KIF24: variants seen among roughly 807,000 people sequenced by gnomAD.
KIF24 encodes kinesin family member 24.
KIF24 carries 81 observed loss-of-function variants against 118.9 expected under a neutral mutation model. The ratio of observed to expected loss-of-function variants is 0.68; its 90% CI spans 0.57 to 0.82. The LOEUF (loss-of-function observed/expected upper bound fraction) is 0.82. Ranked by LOEUF, KIF24 falls within the 40% of genes least tolerant of loss-of-function variation. The probability of loss-of-function intolerance (pLI) is 0.00; values close to 1 mark genes in which losing one functional copy is unlikely to be tolerated. For missense variants in KIF24, 1,560 were observed against 1,661.6 expected (o/e 0.94, Z 1.06); for synonymous variants, 599 against 610.0 (o/e 0.98, Z 0.27).
chr9:34,329,753 A>G (rs1350364470), upstream of KIF24, among the ~76,000 whole-genome samples: 1 of 152,206 alleles, frequency 6.6e-6, no homozygotes, highest in African/African-American at 2.4e-5. Context: ...TGGGCAGGCC[A>G]GGTCCCATCC....
chr9:34,293,886 G>A (rs897168639), intron 4 of KIF24, among the ~76,000 whole-genome samples: 6 of 152,226 alleles, frequency 3.9e-5, no homozygotes, highest in Admixed American at 1.3e-4. Flanking sequence ...AAAGCCTGAC[G>A]ATAGCAGATA....
intron 2 of KIF24, 89 bp from the exon 3 acceptor site, chr9:34,306,530 C>A (rs954072253): frequency 8.0e-6 from 7 of 872,444 alleles, no homozygotes; most frequent in Non-Finnish European, 1.2e-5. Context: ...TAGCCGGGCG[C>A]GGTGGCTTAC....
At chr9:34,297,501 G>A (rs550248812) in intron 3 of KIF24, among the ~76,000 whole-genome samples, 34 of 152,176 alleles carry the variant, frequency 2.2e-4, no homozygotes, top group Admixed American at 1.8e-3. Context: ...AGTGGCTCAC[G>A]CCTGTAATCC....
At chr9:34,330,540 C>G (rs1210963245), upstream of KIF24, among the ~76,000 whole-genome samples, 1 of 152,248 alleles carries the variant, frequency 6.6e-6, no homozygotes, top group Non-Finnish European at 1.5e-5. Context: ...CCAGACATCT[C>G]TGAGCTATAG....
In KIF24 at chr9:34,256,425, T is replaced by G. The variant is rs781242574; in HGVS notation, c.3182A>C (p.Asp1061Ala). The G allele has an allele frequency of 1.9e-6, 3 of 1,613,924 alleles. No individual in the cohort carries two copies. The highest frequency in any genetic ancestry group is 1.7e-6 in the Non-Finnish European group (2 of 1,179,872). Residue 1061 changes from aspartate (D) to alanine (A), a missense_variant, in exon 11 of 13, where the codon GAC becomes GCC. By Grantham distance (126) the Asp-to-Ala change is moderately radical. Transcript: ENST00000402558. The stretch of plus-strand genomic sequence containing the variant: ...CTCCGAGGGAGGAGACCCTTCGTTG[T>G]CTGGGTTCTCCAGGAGGGACATGGT... Reference protein sequence around the residue: ...PLTMSLLENPDNEGSPPSEQL... With the variant: ...PLTMSLLENPANEGSPPSEQL...
chr9:34,254,215 C>T lies in KIF24; in HGVS notation c.*165G>A. On this transcript the variant is annotated 3_prime_UTR_variant, in exon 13 of 13. Transcript: ENST00000402558. Reference sequence around the variant, plus strand: ...CAGGGGCCTGTCCCTGAGGGAGAAGCTGGGACCTATCTGAAGCCACGTGGG... The same window carrying T: ...CAGGGGCCTGTCCCTGAGGGAGAAGTTGGGACCTATCTGAAGCCACGTGGG... 3.1e-6 allele frequency: 2 copies of T among 636,362 alleles called. No individual in the cohort carries two copies. Among genetic ancestry groups the T allele is most frequent in the Non-Finnish European group, 5.0e-6 (2 of 397,506 alleles). The allele number at this position is 636,362 out of a possible 1,614,324, so 39.4% of individuals were successfully genotyped here.
rs1409551898 is a variant in KIF24, at chr9:34,257,360, A to C, written c.2247T>G (p.Ala749=). ...RGTPARPASE[A]WTNIPPHQKE... Reference sequence around the variant, plus strand: ...TCTGATGTGGCGGGATGTTTGTCCAAGCTTCAGAGGCAGGCCTAGCAGGCG... The same window carrying C: ...TCTGATGTGGCGGGATGTTTGTCCACGCTTCAGAGGCAGGCCTAGCAGGCG... The change falls in exon 11 of 13, where the codon GCT becomes GCG. Residue 749 remains alanine, a synonymous_variant. Coordinates refer to ENST00000402558, the MANE Select transcript of KIF24 (RefSeq NM_194313.4). The C allele has an allele frequency of 4.3e-6, 7 of 1,613,958 alleles. No homozygotes were observed. Among genetic ancestry groups the C allele is most frequent in the Admixed American group, 1.7e-5 (1 of 60,004 alleles).
rs1445127222 is a variant in KIF24 at position 34,268,091 on chromosome 9, TAAAG to T, written c.1443+1162_1443+1165del. Among the ~76,000 whole-genome samples the T allele has an allele frequency of 4.6e-5, 7 of 152,220 alleles. No individual in the cohort carries two copies. In the East Asian group the frequency reaches 1.3e-3, roughly 29 times the overall value. On this transcript the variant is annotated intron_variant, in intron 8 of 12. Coordinates refer to ENST00000402558, the MANE Select transcript of KIF24 (RefSeq NM_194313.4). The stretch of plus-strand genomic sequence containing the variant: ...AGGAATTATAATACTTATTGGATAA[TAAAG>T]AATTACTTCTTTAGGTAAGATAATG...
chr9:34,329,637 A>G (rs1217708980), upstream of KIF24: 2 of 152,226 alleles, frequency 1.3e-5, no homozygotes, highest in Non-Finnish European at 2.9e-5. Context: ...TTTAGTTCTC[A>G]GTGGAGGAAA....
At chr9:34,299,793 G>C (rs1194475189) in intron 3 of KIF24, among the ~76,000 whole-genome samples, 1 of 142,902 alleles carries the variant, frequency 7.0e-6, no homozygotes, top group Non-Finnish European at 1.5e-5. Context: ...ATATATAGCT[G>C]GGCTACCAAG....
chr9:34,305,646 C>G (rs1836883614), intron 3 of KIF24, among the ~76,000 whole-genome samples: 1 of 152,130 alleles, frequency 6.6e-6, no homozygotes, highest in Non-Finnish European at 1.5e-5. Flanking sequence ...CTCTGTTGCC[C>G]AGGCTGGAGT....
chr9:34,302,782 T>A (rs1204469347), intron 3 of KIF24, among the ~76,000 whole-genome samples: 1 of 149,880 alleles, frequency 6.7e-6, no homozygotes, highest in Non-Finnish European at 1.5e-5. Context: ...CTAATTTTTT[T>A]TTTTTTTTTC....
chr9:34,257,641 G>A lies in KIF24; in HGVS notation c.1966C>T (p.His656Tyr), dbSNP rs752903615. The part of the protein sequence containing the change: ...SPVKGTVRSG[H>Y]VAKKKPEESA... The stretch of plus-strand genomic sequence containing the variant: ...TCTTCTGGCTTTTTTTTGGCCACAT[G>A]TCCAGAGCGCACAGTTCCTTTCACA... The change falls in exon 11 of 13, where the codon CAT (histidine) becomes TAT (tyrosine). Residue 656 changes from histidine (H) to tyrosine (Y), a missense_variant. Transcript: ENST00000402558. The A allele has an allele frequency of 6.2e-7, 1 of 1,614,036 alleles. No individual in the cohort carries two copies.
At chr9:34,332,967 A>G (rs931923825), upstream of KIF24, among the ~76,000 whole-genome samples, 2 of 152,176 alleles carry the variant, frequency 1.3e-5, no homozygotes, top group Admixed American at 1.3e-4. Flanking sequence ...GATGATGATG[A>G]TGTGGGAGGT....
intron 6 of KIF24, among the ~76,000 whole-genome samples, chr9:34,286,251 T>G (rs1042633722): frequency 3.3e-5 from 5 of 152,026 alleles, no homozygotes; most frequent in Admixed American, 1.3e-4. Context: ...GGAGAATTGC[T>G]TGAACCCACG....
Position 34,318,838 on chromosome 9 carries a change from C to T in KIF24, c.-25-7467G>A, listed in dbSNP as rs539450806. 1.6e-5 allele frequency: 25 copies of T among 1,600,964 alleles called. No individual in the cohort carries two copies. The African/African-American group carries it at 2.1e-4, about 14-fold the overall frequency. ...CCAGCTCAGTGAGTTTCGCTGATGA[C>T]TTCGTGCGCAGCAGCAAGCAGCACT... On this transcript the variant is annotated intron_variant, in intron 1 of 12. Coordinates refer to ENST00000402558, the MANE Select transcript of KIF24 (RefSeq NM_194313.4). The surrounding 1 kb of genome is among the most constrained non-coding windows in gnomAD (Gnocchi z 4.9).
At chr9:34,270,809 C>A (rs1328417568) in intron 7 of KIF24, among the ~76,000 whole-genome samples, 2 of 149,310 alleles carry the variant, frequency 1.3e-5, no homozygotes, top group Admixed American at 6.7e-5. Context: ...CGCTCTGTTG[C>A]CAGACTCTTG....
chr9:34,332,323 G>T (rs1837964035), upstream of KIF24, among the ~76,000 whole-genome samples: 1 of 152,140 alleles, frequency 6.6e-6, no homozygotes, highest in Non-Finnish European at 1.5e-5. Context: ...TCCTTATGGG[G>T]TACCTTGTTA....
chr9:34,257,219 T>C lies in KIF24; in HGVS notation c.2388A>G (p.Pro796=). The C allele has an allele frequency of 6.2e-7, 1 of 1,614,024 alleles. No individual in the cohort carries two copies. Residue 796 remains proline (P), a synonymous_variant, in exon 11 of 13, where the codon CCA becomes CCG. Transcript: ENST00000402558. ...LKRSLRQYRP[P]EGQLTNETPP... Reference sequence around the variant, plus strand: ...GAGTCTCATTCGTGAGCTGACCCTCTGGGGGCCTGTACTGGCGTAAAGACC... The same window carrying C: ...GAGTCTCATTCGTGAGCTGACCCTCCGGGGGCCTGTACTGGCGTAAAGACC...
Sources: gnomAD v4.1 joint callset for allele counts (sites outside exome capture counted in the v4.1 genomes callset) on GRCh38, gnomAD v4.1.1 for gene constraint, Gnocchi (gnomAD v3.1) non-coding constraint, MANE v1.5 for transcripts, NCBI Gene and HGNC (gene_info 2026-07-23, HGNC 2026-07-21) for gene names.